The following FHIT variants were observed in gnomAD, a reference collection of about 807,000 sequenced individuals.
FHIT encodes bis(5'-adenosyl)-triphosphatase.
In FHIT, 19 loss-of-function variants were observed where a neutral mutation model predicts 17.9. That is an observed-to-expected ratio of 1.06 (90% CI 0.74 to 1.56). FHIT has a LOEUF of 1.56. Ranked by LOEUF, FHIT falls within the 40% of genes most tolerant of loss-of-function variation. The pLI is 0.00. For synonymous variants in FHIT, 81 were observed against 69.7 expected, an observed-to-expected ratio of 1.16 and a Z score of -0.81; for missense variants, 248 against 189.2, an observed-to-expected ratio of 1.31 and a Z score of -1.82.
rs1190789549 is a variant in FHIT, at chr3:60,030,396, A to C, written c.104-16244T>G. Among the ~76,000 whole-genome samples, 4 of 152,280 alleles carry C rather than the reference A, an allele frequency of 2.6e-5. No individual in the cohort carries two copies. The East Asian group carries it at 7.7e-4, about 29-fold the overall frequency. On this transcript the variant is annotated intron_variant, in intron 5 of 9. Coordinates refer to ENST00000492590, the MANE Select transcript of FHIT (RefSeq NM_002012.4). ...CCGCTGGTCCAGAAGCTCTTTAAAA[A>C]CAGAGGCCACTTATTTTTCATCCTT...
At chr3:60,284,025 G>A (rs917907771) in intron 5 of FHIT, among the ~76,000 whole-genome samples, 3 of 151,772 alleles carry the variant, frequency 2.0e-5, no homozygotes, top group Non-Finnish European at 4.4e-5. Context: ...CTCTGCCCAG[G>A]GTCAGTATGA....
intron 8 of FHIT, among the ~76,000 whole-genome samples, chr3:59,754,828 TAAAAGTTATG>T (rs1701122767): frequency 6.6e-6 from 1 of 152,212 alleles, no homozygotes; most frequent in African/African-American, 2.4e-5. Flanking sequence ...ACCTAGCTTT[TAAAAGTTATG>T]AGATTTCCCT....
intron 5 of FHIT, among the ~76,000 whole-genome samples, chr3:60,318,462 G>T (rs1709268771): frequency 6.6e-6 from 1 of 152,166 alleles, no homozygotes; most frequent in African/African-American, 2.4e-5. Context: ...GAAACCAGTT[G>T]TTTAAAAACA....
At chr3:60,587,930 T>G (rs112153899) in intron 4 of FHIT, among the ~76,000 whole-genome samples, 1 of 151,808 alleles carries the variant, frequency 6.6e-6, no homozygotes, top group Non-Finnish European at 1.5e-5. Context: ...TCTGCCTGAC[T>G]CCAAAGATCA....
chr3:59,975,009 C>T (rs879494216), intron 7 of FHIT, among the ~76,000 whole-genome samples: 3 of 152,118 alleles, frequency 2.0e-5, no homozygotes, highest in Non-Finnish European at 4.4e-5. Context: ...TTGCACTAAT[C>T]GCCACTTAAC....
At chr3:61,106,461 C>T (rs2035991324) in intron 2 of FHIT, among the ~76,000 whole-genome samples, 2 of 152,142 alleles carry the variant, frequency 1.3e-5, no homozygotes, top group Admixed American at 1.3e-4. Context: ...CCTATTCCCC[C>T]ACCTCCTCCC....
chr3:60,313,923 C>T (rs1449058329), intron 5 of FHIT, among the ~76,000 whole-genome samples: 2 of 152,122 alleles, frequency 1.3e-5, no homozygotes, highest in Admixed American at 6.6e-5. Context: ...TGAGGCCAGG[C>T]AAGGGTGCAA....
intron 5 of FHIT, among the ~76,000 whole-genome samples, chr3:60,110,369 T>A (rs1029775197): frequency 3.3e-5 from 5 of 152,168 alleles, no homozygotes; most frequent in African/African-American, 1.2e-4. Flanking sequence ...ATGAACTAAG[T>A]AATCACCACA....
intron 2 of FHIT, among the ~76,000 whole-genome samples, chr3:61,193,239 G>C (rs2038765461): frequency 6.6e-6 from 1 of 152,200 alleles, no homozygotes; most frequent in Non-Finnish European, 1.5e-5. Flanking sequence ...TAAGGATTGG[G>C]CTTTCCTGGT....
intron 5 of FHIT, among the ~76,000 whole-genome samples, chr3:60,356,617 C>A (rs960152053): frequency 6.6e-6 from 1 of 151,860 alleles, no homozygotes. Context: ...TATTGAGAAG[C>A]TTTAACAGGC....
At chr3:60,307,760 G>C (rs1027734446) in intron 5 of FHIT, among the ~76,000 whole-genome samples, 1 of 152,120 alleles carries the variant, frequency 6.6e-6, no homozygotes, top group Admixed American at 6.5e-5. Flanking sequence ...CACTGGGAGA[G>C]AGCTGTTTCC....
intron 1 of FHIT, among the ~76,000 whole-genome samples, chr3:61,207,089 G>C (rs909816539): frequency 3.9e-5 from 6 of 152,136 alleles, no homozygotes; most frequent in African/African-American, 1.4e-4. Flanking sequence ...TGTGGTTTTT[G>C]TCTTTGGTTC....
intron 7 of FHIT, among the ~76,000 whole-genome samples, chr3:59,972,272 G>T (rs1708220079): frequency 6.6e-6 from 1 of 152,006 alleles, no homozygotes; most frequent in African/African-American, 2.4e-5. Context: ...GCCCTGAATG[G>T]GGCCTTGTGA....
chr3:60,097,337 G>A (rs1268974012), intron 5 of FHIT, among the ~76,000 whole-genome samples: 2 of 152,038 alleles, frequency 1.3e-5, no homozygotes, highest in East Asian at 1.9e-4. Flanking sequence ...AAATGAGCTG[G>A]GAATTTCCCT....
intron 5 of FHIT, among the ~76,000 whole-genome samples, chr3:60,113,199 T>C (rs896662298): frequency 2.0e-5 from 3 of 152,220 alleles, no homozygotes; most frequent in Non-Finnish European, 4.4e-5. Flanking sequence ...CTTTCCCTAC[T>C]AAGACGCAAG....
rs551706307 is a variant in FHIT, at chr3:60,444,163, A to G, written c.103+92697T>C. Among the ~76,000 whole-genome samples, 294 of 152,326 alleles carry G rather than the reference A, an allele frequency of 1.9e-3. 4 individuals carry two copies. The highest frequency in any genetic ancestry group is 0.01 in the Middle Eastern group (3 of 294). On this transcript the variant is annotated intron_variant, in intron 5 of 9. Coordinates refer to ENST00000492590, the MANE Select transcript of FHIT (RefSeq NM_002012.4). The stretch of plus-strand genomic sequence containing the variant: ...AGTGAGATACCATCTCACACCAGTT[A>G]GAATGGTGATCATTAAAAAGTCAGG...
At chr3:60,592,184 ATCTC>A (rs1184572696) in intron 4 of FHIT, among the ~76,000 whole-genome samples, 5 of 147,670 alleles carry the variant, frequency 3.4e-5, no homozygotes, top group African/African-American at 4.9e-5. Flanking sequence ...TATATATATT[ATCTC>A]TCTATATATT....
At chr3:59,933,588 C>T (rs115709980) in intron 7 of FHIT, among the ~76,000 whole-genome samples, 1 of 152,028 alleles carries the variant, frequency 6.6e-6, no homozygotes, top group Non-Finnish European at 1.5e-5. Flanking sequence ...GGATGTCAAG[C>T]GTAATCTGTA....
intron 8 of FHIT, among the ~76,000 whole-genome samples, chr3:59,755,790 T>C (rs1701183717): frequency 6.6e-6 from 1 of 152,178 alleles, no homozygotes; most frequent in Non-Finnish European, 1.5e-5. Context: ...GCTAGCCTCA[T>C]TGCAAAGGCT....
Sources: allele counts gnomAD v4.1 joint callset (sites outside exome capture counted in the v4.1 genomes callset), GRCh38; gene constraint gnomAD v4.1.1; transcripts MANE v1.5; gene names NCBI Gene and HGNC (gene_info 2026-07-23, HGNC 2026-07-21).